Variants in GABRG3 observed in about 807,000 individuals in gnomAD.
GABRG3 encodes the protein gamma-aminobutyric acid type A receptor subunit gamma3.
GABRG3 carries 25 observed loss-of-function variants against 48.8 expected under a neutral mutation model. That is an observed-to-expected ratio of 0.51 (90% CI 0.37 to 0.72). The LOEUF (loss-of-function observed/expected upper bound fraction) is 0.72. Among genes scored for constraint, GABRG3 ranks in the 30% least tolerant of loss-of-function variants. The pLI is 0.00. For missense variants in GABRG3, 394 were observed against 577.9 expected (o/e 0.68, Z 3.26); for synonymous variants, 227 against 217.6 (o/e 1.04, Z -0.38).
chr15:27,250,599 G>GTATT (rs1164330186), intron 3 of GABRG3, among the ~76,000 whole-genome samples: 6 of 152,218 alleles, frequency 3.9e-5, no homozygotes, highest in Non-Finnish European at 7.4e-5. Context: ...GCTAATTTTT[G>GTATT]TATTTCTAGT....
chr15:27,154,990 G>C (rs1898392137), intron 3 of GABRG3, among the ~76,000 whole-genome samples: 1 of 151,644 alleles, frequency 6.6e-6, no homozygotes, highest in Admixed American at 6.6e-5. Context: ...CATCCTTACT[G>C]TCTTTCCATT....
intron 2 of GABRG3, among the ~76,000 whole-genome samples, chr15:27,022,471 A>T (rs1895913488): frequency 6.6e-6 from 1 of 152,220 alleles, no homozygotes; most frequent in African/African-American, 2.4e-5. Context: ...CCATATGAAG[A>T]TCATCAGGAG....
intron 3 of GABRG3, among the ~76,000 whole-genome samples, chr15:27,116,629 T>C (rs1342105371): frequency 1.3e-5 from 2 of 152,222 alleles, no homozygotes; most frequent in Non-Finnish European, 2.9e-5. Context: ...TTGCAGTGTT[T>C]GTATTTCTCT....
At chr15:27,227,854 C>T (rs1029791156) in intron 3 of GABRG3, among the ~76,000 whole-genome samples, 1 of 152,162 alleles carries the variant, frequency 6.6e-6, no homozygotes, top group African/African-American at 2.4e-5. Context: ...GCCTACCCAG[C>T]ATGTTTTTCT....
At chr15:27,039,947 A>G (rs766026398) in intron 3 of GABRG3, among the ~76,000 whole-genome samples, 1 of 152,036 alleles carries the variant, frequency 6.6e-6, no homozygotes, top group Non-Finnish European at 1.5e-5. Context: ...CTTCCCAGGA[A>G]GTTCCTCCTT....
At chr15:27,204,188 A>G (rs1016603587) in intron 3 of GABRG3, among the ~76,000 whole-genome samples, 3 of 152,110 alleles carry the variant, frequency 2.0e-5, no homozygotes, top group Non-Finnish European at 1.5e-5. Context: ...TGGGTTTTAC[A>G]TTTAAGTCTT....
chr15:27,326,761 A>C (rs755794298), intron 3 of GABRG3, 48 bp from the exon 4 acceptor site: 1 of 1,437,174 alleles, frequency 7.0e-7, no homozygotes, highest in East Asian at 2.3e-5. Context: ...AATTATACAG[A>C]ACATTTATTA....
At position 27,352,030 on chromosome 15, in the gene GABRG3, G is replaced by T. The variant is rs908850736; in HGVS notation, c.574+23142G>T. On this transcript the variant is annotated intron_variant, in intron 5 of 9. Coordinates refer to ENST00000615808, the MANE Select transcript of GABRG3 (RefSeq NM_033223.5). This position sits in a 1 kb window ranked among gnomAD's most constrained non-coding sequence, Gnocchi z 4.0. Reference sequence around the variant, plus strand: ...TGATGTGTGGGTTTATGGTGTATGCGTGTATAGTGTGTGTGTGTATGGTAT... The same window carrying T: ...TGATGTGTGGGTTTATGGTGTATGCTTGTATAGTGTGTGTGTGTATGGTAT... 6.7e-6 allele frequency among the ~76,000 whole-genome samples: 1 copy of T among 149,094 alleles called. No homozygotes were observed. The highest frequency in any genetic ancestry group is 1.5e-5 in the Non-Finnish European group (1 of 67,152).
At chr15:27,245,165 A>T (rs910154704) in intron 3 of GABRG3, among the ~76,000 whole-genome samples, 4 of 152,060 alleles carry the variant, frequency 2.6e-5, no homozygotes, top group Non-Finnish European at 5.9e-5. Flanking sequence ...GGTGTGGGAG[A>T]AGGGGAGGTG....
intron 2 of GABRG3, among the ~76,000 whole-genome samples, chr15:26,993,765 G>C (rs754565233): frequency 5.9e-5 from 9 of 151,942 alleles, no homozygotes; most frequent in African/African-American, 2.2e-4. Context: ...TTGATTTTCT[G>C]TCTGGGAGAT....
intron 2 of GABRG3, among the ~76,000 whole-genome samples, chr15:27,025,983 A>C (rs1895976625): frequency 6.6e-6 from 1 of 152,156 alleles, no homozygotes; most frequent in Non-Finnish European, 1.5e-5. Flanking sequence ...TCTCATTATC[A>C]GGCTTGCTCA....
chr15:27,176,035 A>AG (rs1887734141), intron 3 of GABRG3, among the ~76,000 whole-genome samples: 1 of 151,952 alleles, frequency 6.6e-6, no homozygotes, highest in African/African-American at 2.4e-5. Flanking sequence ...TGGGAAAAAA[A>AG]AAAAAAAGAA....
chr15:27,442,149 G>A (rs1888806512), intron 5 of GABRG3, among the ~76,000 whole-genome samples: 1 of 152,122 alleles, frequency 6.6e-6, no homozygotes, highest in Non-Finnish European at 1.5e-5. Context: ...GGGAGCTTGG[G>A]AGCAAGTCCA....
chr15:27,153,751 A>G (rs1398900770), intron 3 of GABRG3, among the ~76,000 whole-genome samples: 4 of 151,838 alleles, frequency 2.6e-5, no homozygotes, highest in Admixed American at 2.6e-4. Flanking sequence ...GGTGTTCTGA[A>G]GTTTACTTAT....
chr15:27,008,655 T>TC (rs1486452094), intron 2 of GABRG3, among the ~76,000 whole-genome samples: 3 of 151,118 alleles, frequency 2.0e-5, no homozygotes, highest in Non-Finnish European at 3.0e-5. Context: ...TATAACATTC[T>TC]CCCCCCACCA....
chr15:27,237,425 C>T (rs2140451527), intron 3 of GABRG3, among the ~76,000 whole-genome samples: 1 of 152,326 alleles, frequency 6.6e-6, no homozygotes, highest in South Asian at 2.1e-4. Flanking sequence ...TCCTGGGCTG[C>T]AGGATCAGGA....
chr15:27,018,133 A>C (rs1462516179), intron 2 of GABRG3, among the ~76,000 whole-genome samples: 1 of 152,340 alleles, frequency 6.6e-6, no homozygotes, highest in Non-Finnish European at 1.5e-5. Context: ...ACTTACTTCA[A>C]ATATTCAGTT....
chr15:27,003,201 ATATTTATT>A (rs199745733), intron 2 of GABRG3, among the ~76,000 whole-genome samples: 1,786 of 139,194 alleles, frequency 0.013, 31 homozygotes, highest in African/African-American at 0.039. Flanking sequence ...TTTTTATTTT[ATATTTATT>A]TATTTATTTA....
rs1402778858 is a variant in GABRG3 at position 27,447,013 on chromosome 15, T to A, written c.575-33637T>A. ...TGCTCCTCCCATGCACCAGGGGCAG[T>A]ACTATGCATTGAGGGTCTAGGGATG... On this transcript the variant is annotated intron_variant, in intron 5 of 9. Transcript: ENST00000615808. The surrounding 1 kb of genome is among the most constrained non-coding windows in gnomAD (Gnocchi z 4.0). 6.6e-6 allele frequency among the ~76,000 whole-genome samples: 1 copy of A among 152,218 alleles called. No homozygotes were observed. The highest frequency in any genetic ancestry group is 1.5e-5 in the Non-Finnish European group (1 of 68,036).
Sources: allele counts gnomAD v4.1 joint callset (sites outside exome capture counted in the v4.1 genomes callset), GRCh38; gene constraint gnomAD v4.1.1; non-coding constraint Gnocchi (gnomAD v3.1); transcripts MANE v1.5; gene names NCBI Gene and HGNC (gene_info 2026-07-23, HGNC 2026-07-21).